The following GATA1 variants were observed in gnomAD, a reference collection of about 807,000 sequenced individuals.
GATA1 encodes GATA binding protein 1.
Under a neutral mutation model 18.9 loss-of-function variants are expected in GATA1, and 2 were observed. The observed-to-expected ratio is 0.11, with a 90% CI of 0.04 to 0.33. The LOEUF (loss-of-function observed/expected upper bound fraction) is 0.33, where lower values mean the gene tolerates loss of function less well. Ranked by LOEUF, GATA1 falls within the 10% of genes least tolerant of loss-of-function variation. The pLI is 1.00. For missense variants in GATA1, 272 were observed against 344.7 expected, an observed-to-expected ratio of 0.79 and a Z score of 1.67; for synonymous variants, 152 against 149.1, an observed-to-expected ratio of 1.02 and a Z score of -0.14.
Position 48,793,270 on chromosome X carries a change from C to T in GATA1, c.843C>T (p.Ala281=). 8.3e-7 allele frequency: 1 copy of T among 1,210,592 alleles called. No individual in the cohort carries two copies. Among genetic ancestry groups the T allele is most frequent in the Non-Finnish European group, 1.1e-6 (1 of 895,024 alleles). The change falls in exon 5 of 6, where the codon GCC becomes GCT. Residue 281 remains alanine, a synonymous_variant. Coordinates refer to ENST00000376670, the MANE Select transcript of GATA1 (RefSeq NM_002049.4). ...RNASGDPVCN[A]CGLYYKLHQV... ...CCAGTGGGGATCCCGTGTGCAATGC[C>T]TGCGGCCTCTACTACAAGCTACACC...
chrX:48,792,032 A>G lies in GATA1; in HGVS notation c.409A>G (p.Lys137Glu), dbSNP rs1557020209. ...KGSTSFLETL[K>E]TERLSPDLLT... ...CAGCACCAGCTTCCTGGAGACTTTG[A>G]AGACAGAGCGGCTGAGCCCAGACCT... The change falls in exon 3 of 6, where the codon AAG (lysine) becomes GAG (glutamate). Residue 137 changes from lysine to glutamate, a missense_variant. Physicochemically the swap from Lys to Glu is moderately conservative, Grantham distance 56. Around this residue, in one of 3 missense-constraint regions of GATA1, gnomAD observed 147 missense variants for 157.4 expected, o/e 0.93. Transcript: ENST00000376670. 1 of 1,209,995 alleles carries G rather than the reference A, an allele frequency of 8.3e-7. No homozygotes were observed. The highest frequency in any genetic ancestry group is 1.1e-6 in the Non-Finnish European group (1 of 895,139).
At chrX:48,787,207 C>T (rs782666613) in intron 1 of GATA1, among the ~76,000 whole-genome samples, 3 of 111,006 alleles carry the variant, frequency 2.7e-5, no homozygotes, top group Non-Finnish European at 3.8e-5. Context: ...TTCCCAATGA[C>T]TTCTCTCTGA....
intron 1 of GATA1, among the ~76,000 whole-genome samples, chrX:48,790,363 G>T (rs2062670304): frequency 9.0e-6 from 1 of 111,215 alleles, no homozygotes; most frequent in East Asian, 2.8e-4. Flanking sequence ...GCTGAGGCAG[G>T]AGGATCACTG....
intron 1 of GATA1, among the ~76,000 whole-genome samples, chrX:48,790,012 G>A (rs1557019749): frequency 9.2e-6 from 1 of 108,984 alleles, no homozygotes; most frequent in Non-Finnish European, 1.9e-5. Flanking sequence ...ACGGGGGGAC[G>A]GGGAGAATAA....
rs782651118 is a variant in GATA1 at position 48,792,105 on chromosome X, G to C, written c.482G>C (p.Ser161Thr). ...ALPSSLPVPN[S>T]AYGGPDFSST... ...CCTTCATCACTCCCTGTCCCCAATAGTGCTTATGGGGGCCCTGACTTTTCC... is the reference window on the plus strand; with the variant it reads ...CCTTCATCACTCCCTGTCCCCAATACTGCTTATGGGGGCCCTGACTTTTCC... Residue 161 changes from serine (S) to threonine (T), a missense_variant, in exon 3 of 6, where the codon AGT (serine) becomes ACT (threonine). Around this residue, in one of 3 missense-constraint regions of GATA1, gnomAD observed 147 missense variants for 157.4 expected, o/e 0.93. Coordinates refer to ENST00000376670, the MANE Select transcript of GATA1 (RefSeq NM_002049.4). 3 of 1,211,366 alleles carry C rather than the reference G, an allele frequency of 2.5e-6. No homozygotes were observed. The East Asian group carries it at 8.9e-5, about 36-fold the overall frequency.
intron 1 of GATA1, among the ~76,000 whole-genome samples, chrX:48,789,459 A>G (rs1164386553): frequency 1.8e-5 from 2 of 111,719 alleles, no homozygotes; most frequent in Non-Finnish European, 3.8e-5. Context: ...GTGGAGAGCT[A>G]GATGACAGAC....
In GATA1 at chrX:48,791,528, G is replaced by A. The variant is rs147375255; in HGVS notation, c.220+199G>A. Among the ~76,000 whole-genome samples the A allele has an allele frequency of 4.8e-4, 54 of 112,046 alleles. No homozygotes were observed. The East Asian group carries it at 9.6e-3, about 20-fold the overall frequency. On this transcript the variant is annotated intron_variant, in intron 2 of 5. Coordinates refer to ENST00000376670, the MANE Select transcript of GATA1 (RefSeq NM_002049.4). ...GCTCCTCAACCTGCCATATTGGGGC[G>A]GCCACACTGAGAGGCAATACTGGAA...
In GATA1 at chrX:48,792,488, T is replaced by C; in HGVS notation, c.744+20T>C. ...CGCCTGGTAAGACCACAGACCTGCT[T>C]CACCTTATACACAGGAACCCCTGTC... On this transcript the variant is annotated intron_variant, in intron 4 of 5. Transcript: ENST00000376670. The C allele has an allele frequency of 8.3e-7, 1 of 1,210,637 alleles. No individual in the cohort carries two copies. The highest frequency in any genetic ancestry group is 1.1e-6 in the Non-Finnish European group (1 of 894,785).
chrX:48,792,922 TGA>T (rs1557020385), intron 4 of GATA1, among the ~76,000 whole-genome samples: 2 of 111,528 alleles, frequency 1.8e-5, no homozygotes, highest in Admixed American at 1.9e-4. Context: ...GCTCCCCAAG[TGA>T]TTCCGATACG....
At chrX:48,793,331 T>C in intron 5 of GATA1, 34 bp downstream of exon 5, 1 of 1,197,902 alleles carries the variant, frequency 8.3e-7, no homozygotes, top group Admixed American at 2.2e-5. Context: ...ACCCCTCTGC[T>C]TTCCCTGTCT....
chrX:48,787,997 C>T (rs782453575), intron 1 of GATA1, among the ~76,000 whole-genome samples: 14 of 110,796 alleles, frequency 1.3e-4, no homozygotes, highest in Non-Finnish European at 2.1e-4. Context: ...CCCCCAGCCT[C>T]GAGATAAACT....
rs2062682757 is a variant in GATA1, at chrX:48,793,983, C to T, written c.1061C>T (p.Thr354Ile). The change falls in exon 6 of 6, where the codon ACA becomes ATA. Residue 354 changes from threonine to isoleucine, a missense_variant. Transcript: ENST00000376670. The part of the protein sequence containing the change: ...GNCGEVASGL[T>I]LGPPGTAHLY... ...TGTGGGGAGGTGGCTTCAGGCCTGACACTGGGCCCCCCAGGTACTGCCCAT... is the reference window on the plus strand; with the variant it reads ...TGTGGGGAGGTGGCTTCAGGCCTGATACTGGGCCCCCCAGGTACTGCCCAT... The T allele has an allele frequency of 4.1e-6, 5 of 1,206,183 alleles. No homozygotes were observed. Among genetic ancestry groups the T allele is most frequent in the Admixed American group, 2.2e-5 (1 of 45,595 alleles).
chrX:48,792,196 T>C lies in GATA1; in HGVS notation c.573T>C (p.Arg191=), dbSNP rs782701142. The change falls in exon 3 of 6, where the codon CGT becomes CGC. Residue 191 remains arginine, a synonymous_variant. Coordinates refer to ENST00000376670, the MANE Select transcript of GATA1 (RefSeq NM_002049.4). ...NSAAYSSPKL[R]GTLPLPPCEA... ...CAGCCTATTCCTCTCCCAAGCTTCG[T>C]GGAACTCTCCCCCTGCCTCCCTGTG... 4.1e-6 allele frequency: 5 copies of C among 1,211,143 alleles called. No homozygotes were observed. In the South Asian group the frequency reaches 8.8e-5, roughly 21 times the overall value.
intron 1 of GATA1, among the ~76,000 whole-genome samples, chrX:48,790,529 A>G (rs186026956): frequency 6.4e-5 from 7 of 108,702 alleles, no homozygotes; most frequent in Middle Eastern, 4.7e-3. Context: ...ACAAAAAGAG[A>G]AGGAGGACAA....
chrX:48,789,741 C>G (rs900525956), intron 1 of GATA1, among the ~76,000 whole-genome samples: 1 of 110,915 alleles, frequency 9.0e-6, no homozygotes, highest in East Asian at 2.8e-4. Flanking sequence ...TGACCCCCCC[C>G]CAACCAAGAA....
rs1404073875 is a variant in GATA1, at chrX:48,789,183, T to A, written c.-19-1908T>A. Reference sequence around the variant, plus strand: ...TTAGCTGGGTGTGGTGGCATGTGCCTGTAATCCCAGCTACTAGGGAGGCTG... The same window carrying A: ...TTAGCTGGGTGTGGTGGCATGTGCCAGTAATCCCAGCTACTAGGGAGGCTG... On this transcript the variant is annotated intron_variant, in intron 1 of 5. Transcript: ENST00000376670. Among the ~76,000 whole-genome samples, 6 of 110,603 alleles carry A rather than the reference T, an allele frequency of 5.4e-5. No individual in the cohort carries two copies. In the East Asian group the frequency reaches 1.7e-3, roughly 31 times the overall value.
chrX:48,789,244 T>C lies in GATA1; in HGVS notation c.-19-1847T>C, dbSNP rs2062666311. ...ATCACTTGAACCTGGGAGGCTGGGG[T>C]TGCAGTGAGCTGAGATCGCACCACT... On this transcript the variant is annotated intron_variant, in intron 1 of 5. Transcript: ENST00000376670. 2.8e-5 allele frequency among the ~76,000 whole-genome samples: 3 copies of C among 107,345 alleles called. No individual in the cohort carries two copies. The Admixed American group carries it at 2.9e-4, about 11-fold the overall frequency. 93.2% of individuals were successfully genotyped at this position (107,345 alleles called of 115,157 possible).
Position 48,791,265 on chromosome X carries a change from A to C in GATA1, c.156A>C (p.Thr52=), listed in dbSNP as rs2062674094. ...CAGCTTCCTCCACTGCCCCGAGCAC[A>C]GCCACCGCTGCAGCTGCGGCACTGG... ...DAAASSTAPS[T]ATAAAAALAY... is the part of the protein sequence containing the mutation. Residue 52 remains threonine, a synonymous_variant, in exon 2 of 6, where the codon ACA becomes ACC. Transcript: ENST00000376670. The C allele has an allele frequency of 8.3e-7, 1 of 1,206,852 alleles. No individual in the cohort carries two copies.
rs1404134941 is a variant in GATA1, at chrX:48,791,116, T to G, written c.7T>G (p.Phe3Val). 2.7e-5 allele frequency: 33 copies of G among 1,202,579 alleles called. No individual in the cohort carries two copies. The highest frequency in any genetic ancestry group is 3.3e-5 in the Non-Finnish European group (29 of 890,464). ...GTTAATCCCCAGAGGCTCCATGGAG[T>G]TCCCTGGCCTGGGGTCCCTGGGGAC... Reference protein sequence around the residue: MEFPGLGSLGTSE... With the variant: MEVPGLGSLGTSE... Residue 3 changes from phenylalanine to valine, a missense_variant, in exon 2 of 6, where the codon TTC (phenylalanine) becomes GTC (valine). By Grantham distance (50) the Phe-to-Val change is conservative (BLOSUM62 -1). Around this residue, in one of 3 missense-constraint regions of GATA1, gnomAD observed 147 missense variants for 157.4 expected, o/e 0.93. Transcript: ENST00000376670.
Sources: allele counts gnomAD v4.1 joint callset (sites outside exome capture counted in the v4.1 genomes callset), GRCh38; gene constraint gnomAD v4.1.1; regional missense constraint gnomAD v4.1.1; transcripts MANE v1.5; gene names NCBI Gene and HGNC (gene_info 2026-07-23, HGNC 2026-07-21).